Variants in TXNRD2 observed in about 807,000 individuals in gnomAD.
TXNRD2 encodes the protein thioredoxin reductase 2, mitochondrial.
TXNRD2 carries 67 observed loss-of-function variants against 70.8 expected under a neutral mutation model. The observed-to-expected ratio is 0.95, with a 90% CI of 0.78 to 1.16. The LOEUF is 1.16. TXNRD2 is among the 50% of genes most tolerant of loss of function. The pLI, the probability that TXNRD2 is intolerant of heterozygous loss-of-function variation, is 0.00. For missense variants in TXNRD2, 644 were observed against 719.9 expected, an observed-to-expected ratio of 0.89 and a Z score of 1.21; for synonymous variants, 301 against 295.8, an observed-to-expected ratio of 1.02 and a Z score of -0.18.
intron 11 of TXNRD2, chr22:19,884,079 G>A (rs149740582): frequency 0.015 from 2,305 of 154,582 alleles, 59 homozygotes; most frequent in African/African-American, 0.053. Flanking sequence ...GCTTGAACCC[G>A]GGAGGTGTCG....
At chr22:19,935,842 C>T (rs72547412) in intron 1 of TXNRD2, among the ~76,000 whole-genome samples, 5 of 152,296 alleles carry the variant, frequency 3.3e-5, no homozygotes, top group South Asian at 4.1e-4. Context: ...TTGGTAGGTG[C>T]GGAGAAATGT....
rs191451901 is a variant in TXNRD2 at position 19,877,644 on chromosome 22, T to G, written c.1446-410A>C. Among the ~76,000 whole-genome samples, 166 of 152,290 alleles carry G rather than the reference T, an allele frequency of 1.1e-3. 1 individual carries two copies. Among genetic ancestry groups the G allele is most frequent in the African/African-American group, 3.8e-3 (160 of 41,568 alleles). ...CATGCACAATGTCCCAACCTCCAAC[T>G]ACCCCTGTCAACCCACCCAGAGCCT... On this transcript the variant is annotated intron_variant, in intron 16 of 17. Coordinates refer to ENST00000400521, the MANE Select transcript of TXNRD2 (RefSeq NM_006440.5).
rs199765650 is a variant in TXNRD2 at position 19,911,428 on chromosome 22, T to C, written c.611A>G (p.Tyr204Cys). 388 of 1,613,886 alleles carry C rather than the reference T, an allele frequency of 2.4e-4. No homozygotes were observed. Among genetic ancestry groups the C allele is most frequent in the Non-Finnish European group, 3.0e-4 (358 of 1,179,962 alleles). The change falls in exon 8 of 18, where the codon TAT becomes TGT. Residue 204 changes from tyrosine to cysteine, a missense_variant. Tyr to Cys is a radical substitution (Grantham distance 194). Around this residue, in one of 3 missense-constraint regions of TXNRD2, gnomAD observed 566 missense variants for 645.0 expected, o/e 0.88. Coordinates refer to ENST00000400521, the MANE Select transcript of TXNRD2 (RefSeq NM_006440.5). ...GAAGATGTCATCACTTGTGATTCCA[T>C]ATTCCAAGGCACCTTCGATCTGTCA... ...YPTHIEGALE[Y>C]GITSDDIFWL...
chr22:19,915,696 A>T, intron 6 of TXNRD2, 69 bp downstream of exon 6: 3 of 1,416,822 alleles, frequency 2.1e-6, no homozygotes, highest in Non-Finnish European at 3.0e-6. Context: ...GGCCAAACAC[A>T]GCTGCAGTTG....
chr22:19,909,598 C>A (rs1264106913), intron 8 of TXNRD2, among the ~76,000 whole-genome samples: 2 of 26,516 alleles, frequency 7.5e-5, no homozygotes, highest in Middle Eastern at 0.019. Flanking sequence ...CCACACACAC[C>A]ACTCACACAC....
rs919114291 is a variant in TXNRD2 at position 19,893,554 on chromosome 22, A to C, written c.949+1853T>G. 2.0e-5 allele frequency among the ~76,000 whole-genome samples: 3 copies of C among 152,192 alleles called. No homozygotes were observed. In the East Asian group the frequency reaches 5.8e-4, roughly 29 times the overall value. ...TGTCTGGGCGATCCCTGTTGGCTCC[A>C]GCTGCCCCTTGCCAGTCCCGTCAGA... On this transcript the variant is annotated intron_variant, in intron 11 of 17. Coordinates refer to ENST00000400521, the MANE Select transcript of TXNRD2 (RefSeq NM_006440.5).
At chr22:19,881,318 G>A (rs1212427688) in intron 12 of TXNRD2, 3 of 379,610 alleles carry the variant, frequency 7.9e-6, no homozygotes, top group African/African-American at 4.2e-5. Flanking sequence ...TGGCATTCCA[G>A]AAATGCATAG....
chr22:19,911,231 T>C (rs1233846443), intron 8 of TXNRD2, 146 bp downstream of exon 8: 2 of 729,174 alleles, frequency 2.7e-6, no homozygotes, highest in East Asian at 5.4e-5. Flanking sequence ...CCACCACACC[T>C]GGCCACAAAT....
intron 8 of TXNRD2, among the ~76,000 whole-genome samples, chr22:19,907,058 C>G (rs1255212274): frequency 1.2e-5 from 1 of 85,602 alleles, no homozygotes; most frequent in African/African-American, 4.9e-5. Context: ...AGAGTGTGGG[C>G]GCCGTGGATA....
At chr22:19,925,008 G>GAC (rs1941067893) in intron 2 of TXNRD2, among the ~76,000 whole-genome samples, 1 of 151,116 alleles carries the variant, frequency 6.6e-6, no homozygotes, top group Non-Finnish European at 1.5e-5. Flanking sequence ...CGGGGGGCCA[G>GAC]GCATGGTGGC....
intron 8 of TXNRD2, among the ~76,000 whole-genome samples, chr22:19,909,739 ACAC>A (rs1446764108): frequency 7.2e-6 from 1 of 138,390 alleles, no homozygotes; most frequent in Non-Finnish European, 1.5e-5. Flanking sequence ...ACTCACACAC[ACAC>A]CACACACACC....
chr22:19,886,115 G>A (rs138310353), intron 11 of TXNRD2, among the ~76,000 whole-genome samples: 4 of 152,328 alleles, frequency 2.6e-5, no homozygotes, highest in Admixed American at 1.3e-4. Flanking sequence ...ACAGCCCTTC[G>A]GGAATGAACA....
intron 1 of TXNRD2, among the ~76,000 whole-genome samples, chr22:19,936,400 A>C (rs185593180): frequency 7.9e-5 from 12 of 152,058 alleles, no homozygotes; most frequent in Admixed American, 7.2e-4. Context: ...TGATGATCTT[A>C]TTTCTTTTCA....
intron 1 of TXNRD2, among the ~76,000 whole-genome samples, chr22:19,939,914 T>G (rs187264383): frequency 8.3e-4 from 127 of 152,186 alleles, no homozygotes; most frequent in Non-Finnish European, 1.5e-3. Context: ...AACTTCAATT[T>G]GGGAATGATT....
chr22:19,919,404 T>A (rs1569102944), intron 3 of TXNRD2, 139 bp downstream of exon 3: 1 of 788,426 alleles, frequency 1.3e-6, no homozygotes, highest in South Asian at 1.5e-5. Flanking sequence ...AAAGTAATGA[T>A]GAGTGAAACA....
At chr22:19,886,084 G>A (rs770989069) in intron 11 of TXNRD2, among the ~76,000 whole-genome samples, 6 of 152,242 alleles carry the variant, frequency 3.9e-5, no homozygotes, top group Non-Finnish European at 7.3e-5. Context: ...GCACAGACAC[G>A]CCTGGCCCTG....
Position 19,932,374 on chromosome 22 carries a change from G to A in TXNRD2, c.104-1276C>T, listed in dbSNP as rs577699098. The A allele has an allele frequency of 1.0e-4, 166 of 1,612,632 alleles. 1 individual carries two copies. Among genetic ancestry groups the A allele is most frequent in the Non-Finnish European group, 1.3e-4 (152 of 1,179,832 alleles). ...CGCCTCACCTTGGTCCTCCATGGTG[G>A]CTCACTGCACATAGTGCCACTCTCA... On this transcript the variant is annotated intron_variant, in intron 1 of 17. Coordinates refer to ENST00000400521, the MANE Select transcript of TXNRD2 (RefSeq NM_006440.5).
intron 12 of TXNRD2, among the ~76,000 whole-genome samples, chr22:19,882,356 G>A (rs867150172): frequency 1.3e-5 from 2 of 152,108 alleles, no homozygotes; most frequent in South Asian, 2.1e-4. Context: ...GTGCCACCAC[G>A]CCTGGCTAAT....
intron 11 of TXNRD2, among the ~76,000 whole-genome samples, chr22:19,886,481 T>A (rs1939039042): frequency 6.6e-6 from 1 of 152,232 alleles, no homozygotes; most frequent in African/African-American, 2.4e-5. Flanking sequence ...GGGGACCCAC[T>A]GGGGCCCGAA....
Sources: allele counts gnomAD v4.1 joint callset (sites outside exome capture counted in the v4.1 genomes callset), GRCh38; gene constraint gnomAD v4.1.1; regional missense constraint gnomAD v4.1.1; transcripts MANE v1.5; gene names NCBI Gene and HGNC (gene_info 2026-07-23, HGNC 2026-07-21).